The following MDGA2 variants were observed in gnomAD, a reference collection of about 807,000 sequenced individuals.
MDGA2 encodes MAM domain-containing glycosylphosphatidylinositol anchor protein 2.
A neutral mutation model predicts 117.8 loss-of-function variants in MDGA2; 40 were observed. That is an observed-to-expected ratio of 0.34 (90% CI 0.26 to 0.44). MDGA2 has a LOEUF of 0.44. Among genes scored for constraint, MDGA2 ranks in the 20% least tolerant of loss-of-function variants. MDGA2 has a pLI of 1.00. For missense variants in MDGA2, 1,123 were observed against 1,250.6 expected (o/e 0.90, Z 1.54); for synonymous variants, 452 against 439.0 (o/e 1.03, Z -0.37).
intron 1 of MDGA2, among the ~76,000 whole-genome samples, chr14:47,573,449 A>G (rs895793815): frequency 3.9e-5 from 6 of 152,222 alleles, no homozygotes; most frequent in African/African-American, 1.4e-4. Flanking sequence ...AGGACTTGCC[A>G]TATCACTAGA....
intron 3 of MDGA2, among the ~76,000 whole-genome samples, chr14:47,198,524 A>G (rs1372662566): frequency 6.6e-6 from 1 of 152,106 alleles, no homozygotes; most frequent in Non-Finnish European, 1.5e-5. Flanking sequence ...GTGAGCGGGG[A>G]TTGTGCCACT....
chr14:47,347,885 A>G (rs1890793549), intron 1 of MDGA2, among the ~76,000 whole-genome samples: 1 of 152,190 alleles, frequency 6.6e-6, no homozygotes. Context: ...CAATGTTATA[A>G]AAGCCAAAAT....
intron 10 of MDGA2, among the ~76,000 whole-genome samples, chr14:46,917,349 CTGTT>C (rs1256639259): frequency 1.3e-5 from 2 of 152,152 alleles, no homozygotes; most frequent in African/African-American, 4.8e-5. Flanking sequence ...ATTGCCATAA[CTGTT>C]TGTGCAAGGA....
intron 8 of MDGA2, among the ~76,000 whole-genome samples, chr14:47,025,973 C>G (rs924775350): frequency 2.6e-5 from 4 of 152,038 alleles, no homozygotes; most frequent in Admixed American, 2.6e-4. Context: ...TCTAGTAGTC[C>G]CGCAAGTTTA....
At chr14:47,135,806 T>C (rs1210124807) in intron 4 of MDGA2, among the ~76,000 whole-genome samples, 1 of 152,180 alleles carries the variant, frequency 6.6e-6, no homozygotes, top group Non-Finnish European at 1.5e-5. Flanking sequence ...TCTTGAGGTA[T>C]CTCTTTATGA....
intron 1 of MDGA2, among the ~76,000 whole-genome samples, chr14:47,546,024 G>A (rs1367026680): frequency 1.3e-5 from 2 of 151,952 alleles, no homozygotes; most frequent in East Asian, 1.9e-4. Context: ...GTTTAATGGT[G>A]GAATGGAGAA....
At chr14:47,579,219 G>T (rs1896182769) in intron 1 of MDGA2, among the ~76,000 whole-genome samples, 1 of 152,008 alleles carries the variant, frequency 6.6e-6, no homozygotes, top group South Asian at 2.1e-4. Flanking sequence ...TTGTAGTAAA[G>T]TATGACATGA....
At chr14:47,425,720 T>A (rs1175457189) in intron 1 of MDGA2, among the ~76,000 whole-genome samples, 1 of 152,178 alleles carries the variant, frequency 6.6e-6, no homozygotes, top group Non-Finnish European at 1.5e-5. Flanking sequence ...CATTTTATTA[T>A]CTGTGTGTAT....
chr14:47,060,310 T>C (rs1012500342), intron 7 of MDGA2, among the ~76,000 whole-genome samples: 2 of 152,186 alleles, frequency 1.3e-5, no homozygotes, highest in East Asian at 3.9e-4. Flanking sequence ...ATCAATCCAG[T>C]GTTCACTGCA....
At chr14:47,490,329 A>G (rs1894143368) in intron 1 of MDGA2, among the ~76,000 whole-genome samples, 1 of 152,138 alleles carries the variant, frequency 6.6e-6, no homozygotes. Flanking sequence ...AATCACTTTC[A>G]GTAATTTGAA....
rs147446268 is a variant in MDGA2 at position 47,176,577 on chromosome 14, T to C, written c.596-32303A>G. On this transcript the variant is annotated intron_variant, in intron 3 of 16. Coordinates refer to ENST00000399232, the MANE Select transcript of MDGA2 (RefSeq NM_001113498.3). ...AGGATTCCCTATTTAATAAATGGTG[T>C]TGGGAAAACTGACTGGCCATATGTA... 4.5e-3 allele frequency among the ~76,000 whole-genome samples: 686 copies of C among 152,252 alleles called. 3 individuals are homozygous for C. Among genetic ancestry groups the C allele is most frequent in the Non-Finnish European group, 8.6e-3 (584 of 68,008 alleles).
At chr14:46,952,875 T>C (rs1346921398) in intron 9 of MDGA2, among the ~76,000 whole-genome samples, 1 of 151,920 alleles carries the variant, frequency 6.6e-6, no homozygotes, top group African/African-American at 2.4e-5. Flanking sequence ...ATGAATGCTT[T>C]GAAGAATTAT....
intron 1 of MDGA2, among the ~76,000 whole-genome samples, chr14:47,534,044 G>A (rs1156674011): frequency 6.6e-6 from 1 of 152,098 alleles, no homozygotes; most frequent in Non-Finnish European, 1.5e-5. Context: ...AATGGGTCTG[G>A]ATATGTGTAG....
At chr14:46,852,500 A>G (rs1566491097) in intron 15 of MDGA2, among the ~76,000 whole-genome samples, 1 of 151,896 alleles carries the variant, frequency 6.6e-6, no homozygotes, top group African/African-American at 2.4e-5. Flanking sequence ...GTGGCAGAGA[A>G]AAAGAAAGAG....
chr14:47,162,000 C>T (rs1883660141), intron 3 of MDGA2, among the ~76,000 whole-genome samples: 1 of 125,292 alleles, frequency 8.0e-6, no homozygotes, highest in Admixed American at 1.0e-4. Flanking sequence ...GGCTGGAGTG[C>T]AATGGCACAA....
In MDGA2 at chr14:47,663,047, T is replaced by C. The variant is rs112247253; in HGVS notation, c.280+11470A>G. ...GAACCAAATGAAAAATATAAGTTACTCAAAGGATGAGAGAGAGTCACAATA... is the reference window on the plus strand; with the variant it reads ...GAACCAAATGAAAAATATAAGTTACCCAAAGGATGAGAGAGAGTCACAATA... On this transcript the variant is annotated intron_variant, in intron 1 of 16. Coordinates refer to ENST00000399232, the MANE Select transcript of MDGA2 (RefSeq NM_001113498.3). Among the ~76,000 whole-genome samples the C allele has an allele frequency of 7.2e-5, 11 of 152,176 alleles. 1 individual carries two copies. The highest frequency in any genetic ancestry group is 2.4e-4 in the African/African-American group (10 of 41,520).
intron 1 of MDGA2, among the ~76,000 whole-genome samples, chr14:47,541,375 C>T (rs1895349023): frequency 6.6e-6 from 1 of 152,172 alleles, no homozygotes; most frequent in African/African-American, 2.4e-5. Flanking sequence ...AGGCAGAAAG[C>T]AGTCACAGCA....
At chr14:47,074,701 T>A (rs1890427244) in intron 6 of MDGA2, among the ~76,000 whole-genome samples, 1 of 152,214 alleles carries the variant, frequency 6.6e-6, no homozygotes, top group African/African-American at 2.4e-5. Flanking sequence ...TGACCTTTTG[T>A]TTATAGCTCC....
rs1255528651 is a variant in MDGA2, at chr14:47,095,029, A to G, written c.1195+1825T>C. 2.0e-5 allele frequency among the ~76,000 whole-genome samples: 3 copies of G among 152,084 alleles called. No homozygotes were observed. The East Asian group carries it at 5.8e-4, about 29-fold the overall frequency. On this transcript the variant is annotated intron_variant, in intron 6 of 16. Transcript: ENST00000399232. Reference sequence around the variant, plus strand: ...ATTACTTTGTATTTCTGTATTCCATAAAGAACTGTAACTCCTTTGAGGGCA... The same window carrying G: ...ATTACTTTGTATTTCTGTATTCCATGAAGAACTGTAACTCCTTTGAGGGCA...
Sources: gnomAD v4.1 joint callset for allele counts (sites outside exome capture counted in the v4.1 genomes callset) on GRCh38, gnomAD v4.1.1 for gene constraint, MANE v1.5 for transcripts, NCBI Gene and HGNC (gene_info 2026-07-23, HGNC 2026-07-21) for gene names.